Variants in PABPC4L observed in about 807,000 individuals in gnomAD.
PABPC4L encodes the protein polyadenylate-binding protein 4-like.
For synonymous variants in PABPC4L, 169 were observed against 164.1 expected, an observed-to-expected ratio of 1.03 and a Z score of -0.23; for missense variants, 452 against 451.4, an observed-to-expected ratio of 1.00 and a Z score of -0.01.
the PABPC4L span, among the ~76,000 whole-genome samples, chr4:134,167,733 G>A: frequency 6.6e-6 from 1 of 151,796 alleles, no homozygotes; most frequent in African/African-American, 2.4e-5. Flanking sequence ...CTCACTAAGA[G>A]TATGTAACAA....
chr4:134,019,794 T>C, the PABPC4L span, among the ~76,000 whole-genome samples: 1 of 152,132 alleles, frequency 6.6e-6, no homozygotes, highest in Non-Finnish European at 1.5e-5. Flanking sequence ...TTTAGGAGGT[T>C]CCTGCTTATC....
At chr4:133,986,249 A>G in the PABPC4L span, among the ~76,000 whole-genome samples, 5 of 152,132 alleles carry the variant, frequency 3.3e-5, no homozygotes, top group Non-Finnish European at 5.9e-5. Flanking sequence ...TATAACATAA[A>G]CAACTTTTTA....
the PABPC4L span, among the ~76,000 whole-genome samples, chr4:133,992,286 A>G: frequency 1.3e-5 from 2 of 152,202 alleles, no homozygotes; most frequent in Non-Finnish European, 1.5e-5. Flanking sequence ...TCTCAGCCAT[A>G]GTGGAATTCA....
chr4:134,141,786 T>C, the PABPC4L span, among the ~76,000 whole-genome samples: 4 of 151,634 alleles, frequency 2.6e-5, no homozygotes, highest in East Asian at 1.9e-4. Flanking sequence ...TTAAATCACA[T>C]AGAGGCCATG....
At chr4:133,960,024 C>G in the PABPC4L span, among the ~76,000 whole-genome samples, 73,489 of 152,014 alleles carry the variant, frequency 0.48, 19,569 homozygotes, top group African/African-American at 0.68. Context: ...CAGATGTCAA[C>G]GATATTCTTT....
At chr4:134,124,017 T>TAG in the PABPC4L span, among the ~76,000 whole-genome samples, 1 of 152,108 alleles carries the variant, frequency 6.6e-6, no homozygotes, top group Non-Finnish European at 1.5e-5. Context: ...AGGTGATTTT[T>TAG]AGAGAGAGTT....
chr4:134,081,375 A>T, the PABPC4L span, among the ~76,000 whole-genome samples: 1 of 152,178 alleles, frequency 6.6e-6, no homozygotes, highest in Non-Finnish European at 1.5e-5. Flanking sequence ...ACTAAACATC[A>T]GAGTGGTCAG....
the PABPC4L span, among the ~76,000 whole-genome samples, chr4:134,023,583 C>T: frequency 8.2e-4 from 125 of 151,976 alleles, no homozygotes; most frequent in Non-Finnish European, 1.6e-3. Flanking sequence ...TAAATGTATT[C>T]CCAATTTCAA....
chr4:134,181,980 A>G, the PABPC4L span, among the ~76,000 whole-genome samples: 1 of 151,672 alleles, frequency 6.6e-6, no homozygotes, highest in Non-Finnish European at 1.5e-5. Flanking sequence ...TCAAACTACT[A>G]AAGACATTCT....
chr4:133,993,522 A>C, the PABPC4L span, among the ~76,000 whole-genome samples: 1 of 152,222 alleles, frequency 6.6e-6, no homozygotes, highest in East Asian at 1.9e-4. Flanking sequence ...ACATGTACAT[A>C]TCTAAGTTTT....
chr4:134,032,018 T>C, the PABPC4L span, among the ~76,000 whole-genome samples: 1 of 151,884 alleles, frequency 6.6e-6, no homozygotes, highest in Non-Finnish European at 1.5e-5. Flanking sequence ...TAATATCTTA[T>C]ATTTTAATTT....
chr4:134,087,789 C>G, the PABPC4L span, among the ~76,000 whole-genome samples: 1 of 152,276 alleles, frequency 6.6e-6, no homozygotes. Context: ...CTATTTATCT[C>G]CCTTCTTCCT....
chr4:134,198,776 T>C lies in PABPC4L; in HGVS notation c.*1131A>G, dbSNP rs1419843093. ...ATGAAAGGCAGGAGAGCAAGGAAAATAGGGGAATGGTTCTAAACTAAAAAT... is the reference window on the plus strand; with the variant it reads ...ATGAAAGGCAGGAGAGCAAGGAAAACAGGGGAATGGTTCTAAACTAAAAAT... On this transcript the variant is annotated 3_prime_UTR_variant, in exon 2 of 2. Transcript: ENST00000421491. 2 of 151,616 alleles carry C rather than the reference T, an allele frequency of 1.3e-5. No homozygotes were observed. Among genetic ancestry groups the C allele is most frequent in the African/African-American group, 4.8e-5 (2 of 41,364 alleles). The allele number at this position is 151,616 out of a possible 1,614,324, so 9.4% of individuals were successfully genotyped here. A position where few individuals can be genotyped will look rare whatever the true frequency, so the allele number is the denominator to read the frequency against.
chr4:134,005,711 A>C, the PABPC4L span, among the ~76,000 whole-genome samples: 2 of 151,886 alleles, frequency 1.3e-5, no homozygotes, highest in Admixed American at 6.6e-5. Flanking sequence ...TCATGGACTT[A>C]AGTTTACTAG....
chr4:134,191,620 G>A (rs1729513981), downstream of PABPC4L, among the ~76,000 whole-genome samples: 1 of 151,884 alleles, frequency 6.6e-6, no homozygotes, highest in South Asian at 2.1e-4. Flanking sequence ...AATCAAAAGG[G>A]AAATTAGAAA....
chr4:133,969,746 A>G, the PABPC4L span, among the ~76,000 whole-genome samples: 1 of 152,168 alleles, frequency 6.6e-6, no homozygotes, highest in African/African-American at 2.4e-5. Flanking sequence ...ACAAAGCGAC[A>G]AATGTTCCCT....
rs979973173 is a variant in PABPC4L, at chr4:134,198,758, G to A, written c.*1149C>T. 4 of 151,870 alleles carry A rather than the reference G, an allele frequency of 2.6e-5. No homozygotes were observed. Among genetic ancestry groups the A allele is most frequent in the African/African-American group, 7.2e-5 (3 of 41,406 alleles). 9.4% of individuals were successfully genotyped at this position (151,870 alleles called of 1,614,324 possible). A position where few individuals can be genotyped will look rare whatever the true frequency, so the allele number is the denominator to read the frequency against. Reference sequence around the variant, plus strand: ...AAAAGCTGAGGAATATAGATGAAAGGCAGGAGAGCAAGGAAAATAGGGGAA... The same window carrying A: ...AAAAGCTGAGGAATATAGATGAAAGACAGGAGAGCAAGGAAAATAGGGGAA... On this transcript the variant is annotated 3_prime_UTR_variant, in exon 2 of 2. Coordinates refer to ENST00000421491, the MANE Select transcript of PABPC4L (RefSeq NM_001114734.2).
At chr4:133,996,171 G>C in the PABPC4L span, among the ~76,000 whole-genome samples, 1 of 152,128 alleles carries the variant, frequency 6.6e-6, no homozygotes, top group African/African-American at 2.4e-5. Context: ...AGAATGGTGG[G>C]ACTGAGGTAA....
At chr4:133,985,623 C>G in the PABPC4L span, among the ~76,000 whole-genome samples, 1 of 151,906 alleles carries the variant, frequency 6.6e-6, no homozygotes, top group Non-Finnish European at 1.5e-5. Context: ...TATTGTTAAT[C>G]TAACAGGTAT....
Sources: allele counts gnomAD v4.1 joint callset (sites outside exome capture counted in the v4.1 genomes callset), GRCh38; gene constraint gnomAD v4.1.1; transcripts MANE v1.5; gene names NCBI Gene and HGNC (gene_info 2026-07-23, HGNC 2026-07-21).